Variants in MAST3 observed in about 807,000 individuals in gnomAD.
The protein encoded by MAST3 is microtubule-associated serine/threonine-protein kinase 3.
A neutral mutation model predicts 127.0 loss-of-function variants in MAST3; 43 were observed. The observed-to-expected ratio is 0.34, with a 90% confidence interval of 0.27 to 0.44. MAST3 has a LOEUF of 0.44. MAST3 is among the 20% of genes least tolerant of loss of function. The pLI, the probability that MAST3 is intolerant of heterozygous loss-of-function variation, is 1.00. For synonymous variants in MAST3, 785 were observed against 809.2 expected (o/e 0.97, Z 0.51); for missense variants, 1,390 against 1,919.1 (o/e 0.72, Z 5.15).
chr19:18,149,075 G>A lies in MAST3; in HGVS notation c.3509-116G>A, dbSNP rs1346331347. 1.7e-6 allele frequency: 2 copies of A among 1,149,704 alleles called. No homozygotes were observed. The highest frequency in any genetic ancestry group is 2.3e-6 in the Non-Finnish European group (2 of 857,278). 71.2% of individuals were successfully genotyped at this position (1,149,704 alleles called of 1,614,324 possible). On this transcript the variant is annotated intron_variant, in intron 27 of 27. Coordinates refer to ENST00000687212, the MANE Select transcript of MAST3 (RefSeq NM_001393504.1). The surrounding 1 kb of genome is among the most constrained non-coding windows in gnomAD (Gnocchi z 5.9). ...CTCAAAAACAAAAACAACCAGGCAT[G>A]ATGGGTGGCCACATGGAAGGATGTG...
chr19:18,114,181 A>G (rs191203660), intron 3 of MAST3, among the ~76,000 whole-genome samples: 2 of 140,942 alleles, frequency 1.4e-5, no homozygotes, highest in African/African-American at 5.5e-5. Flanking sequence ...GACCCCAGGG[A>G]TTTTCTTTTT....
intron 8 of MAST3, 115 bp from the exon 9 acceptor site, chr19:18,123,824 C>T (rs1012781338): frequency 1.0e-5 from 11 of 1,099,640 alleles, no homozygotes; most frequent in Admixed American, 6.9e-5. Context: ...CCCTCCCACC[C>T]GATCGCCCCA....
chr19:18,131,795 G>A (rs901384790), intron 14 of MAST3, 114 bp from the exon 15 acceptor site: 3 of 1,183,358 alleles, frequency 2.5e-6, no homozygotes, highest in Non-Finnish European at 3.6e-6. Flanking sequence ...ACAAACTGGG[G>A]ACCTTTTGCA....
intron 1 of MAST3, among the ~76,000 whole-genome samples, chr19:18,099,537 A>G (rs373660165): frequency 2.0e-4 from 31 of 152,222 alleles, no homozygotes; most frequent in Admixed American, 1.2e-3. Flanking sequence ...GGTAAGTTCT[A>G]TGTTACAAAA....
chr19:18,149,328 C>A lies in MAST3; in HGVS notation c.3646C>A (p.Arg1216Ser), dbSNP rs988388952. Residue 1216 changes from arginine to serine, a missense_variant, in exon 28 of 28, where the codon CGC (arginine) becomes AGC (serine). Arg to Ser is a moderately radical substitution (Grantham distance 110). Around this residue, in one of 5 missense-constraint regions of MAST3, gnomAD observed 816 missense variants for 934.1 expected, o/e 0.87. Coordinates refer to ENST00000687212, the MANE Select transcript of MAST3 (RefSeq NM_001393504.1). The surrounding 1 kb of genome is among the most constrained non-coding windows in gnomAD (Gnocchi z 5.9). Reference protein sequence around the residue: ...LGPPRPKTGRRKSTSSIPPSP... With the variant: ...LGPPRPKTGRSKSTSSIPPSP... The stretch of plus-strand genomic sequence containing the variant: ...GCCACCCCGCCCCAAGACTGGCCGC[C>A]GCAAGTCCACCAGCAGCATCCCGCC... The A allele has an allele frequency of 2.0e-6, 3 of 1,525,738 alleles. No individual in the cohort carries two copies. The highest frequency in any genetic ancestry group is 2.8e-5 in the African/African-American group (2 of 70,196). 94.5% of individuals were successfully genotyped at this position (1,525,738 alleles called of 1,614,324 possible).
At chr19:18,146,742 T>TCA in intron 25 of MAST3, 139 bp from the exon 26 acceptor site, 1 of 732,806 alleles carries the variant, frequency 1.4e-6, no homozygotes, top group Non-Finnish European at 2.2e-6. Flanking sequence ...ATTGGGTAGG[T>TCA]CACTGGTTGT....
In MAST3 at chr19:18,131,994, G is replaced by A. The variant is rs532454362; in HGVS notation, c.1518G>A (p.Ala506=). 9.3e-6 allele frequency: 15 copies of A among 1,614,190 alleles called. No homozygotes were observed. The African/African-American group carries it at 1.1e-4, about 11-fold the overall frequency. ...TGTACTTCGCCGAGACGGTGTTGGC[G>A]CTGGAGTACCTGCATAACTATGGCA... The part of the protein sequence containing the change: ...ARLYFAETVL[A]LEYLHNYGIV... Residue 506 remains alanine (A), a synonymous_variant, in exon 15 of 28, where the codon GCG becomes GCA. Coordinates refer to ENST00000687212, the MANE Select transcript of MAST3 (RefSeq NM_001393504.1).
At chr19:18,140,568 A>G (rs1318916637) in intron 20 of MAST3, among the ~76,000 whole-genome samples, 3 of 152,074 alleles carry the variant, frequency 2.0e-5, no homozygotes, top group Non-Finnish European at 2.9e-5. Flanking sequence ...TGGGCATTTC[A>G]TATCAATGCA....
Position 18,144,929 on chromosome 19 carries a change from G to A in MAST3, c.2813-74G>A, listed in dbSNP as rs533252581. The stretch of plus-strand genomic sequence containing the variant: ...CAACAGCAAAGTGGCCAGGGTGGTC[G>A]TTGTGGTGGGAAAGAGGGGGCCCCA... On this transcript the variant is annotated intron_variant, in intron 23 of 27. Coordinates refer to ENST00000687212, the MANE Select transcript of MAST3 (RefSeq NM_001393504.1). The surrounding 1 kb of genome is among the most constrained non-coding windows in gnomAD (Gnocchi z 4.0). The A allele has an allele frequency of 3.9e-5, 36 of 920,276 alleles. No individual in the cohort carries two copies. The highest frequency in any genetic ancestry group is 5.2e-5 in the East Asian group (2 of 38,370). 57.0% of individuals were successfully genotyped at this position (920,276 alleles called of 1,614,324 possible).
chr19:18,118,322 C>T lies in MAST3; in HGVS notation c.162-3363C>T, dbSNP rs574542701. 2,089 of 898,614 alleles carry T rather than the reference C, an allele frequency of 2.3e-3. 4 individuals are homozygous for T. Among genetic ancestry groups the T allele is most frequent in the Non-Finnish European group, 2.5e-3 (1,900 of 750,534 alleles). The allele number at this position is 898,614 out of a possible 1,614,324, so 55.7% of individuals were successfully genotyped here. A position where few individuals can be genotyped will look rare whatever the true frequency, so the allele number is the denominator to read the frequency against. On this transcript the variant is annotated intron_variant, in intron 3 of 27. Transcript: ENST00000687212. ...CAAACAGGAGTTGCCAGAAGTGTGTCCTGGCCGCGTGGCGCGGACCACGGC... is the reference window on the plus strand; with the variant it reads ...CAAACAGGAGTTGCCAGAAGTGTGTTCTGGCCGCGTGGCGCGGACCACGGC...
Position 18,143,859 on chromosome 19 carries a change from G to A in MAST3, c.2436G>A (p.Leu812=), listed in dbSNP as rs752459156. 4 of 1,613,916 alleles carry A rather than the reference G, an allele frequency of 2.5e-6. No individual in the cohort carries two copies. The highest frequency in any genetic ancestry group is 1.7e-5 in the Admixed American group (1 of 60,014). The part of the protein sequence containing the change: ...PSPSLLNTIS[L]DTMPKFAFSS... ...CATCTCTCCTGAATACCATCAGCCT[G>A]GACACAATGCCCAAGTTTGCCTTCT... is the stretch of plus-strand genomic sequence containing the variant. Residue 812 remains leucine, a synonymous_variant, in exon 22 of 28, where the codon CTG becomes CTA. Transcript: ENST00000687212.
intron 21 of MAST3, among the ~76,000 whole-genome samples, chr19:18,143,385 G>A (rs1177781314): frequency 6.6e-6 from 1 of 152,144 alleles, no homozygotes; most frequent in African/African-American, 2.4e-5. Flanking sequence ...AGACCAGTCT[G>A]GCCAACATGG....
At chr19:18,099,702 G>A (rs1481562918) in intron 1 of MAST3, among the ~76,000 whole-genome samples, 2 of 152,204 alleles carry the variant, frequency 1.3e-5, no homozygotes, top group African/African-American at 2.4e-5. Context: ...GGATGAGCAC[G>A]GATTCCCCGA....
chr19:18,131,146 T>G (rs2041231638), intron 14 of MAST3, among the ~76,000 whole-genome samples: 1 of 152,170 alleles, frequency 6.6e-6, no homozygotes, highest in South Asian at 2.1e-4. Context: ...CTTGGCGCGC[T>G]GGCTCACGCC....
intron 20 of MAST3, among the ~76,000 whole-genome samples, chr19:18,139,945 A>G (rs1352924760): frequency 2.1e-5 from 3 of 145,690 alleles, no homozygotes; most frequent in African/African-American, 7.6e-5. Context: ...TCAGCCTCCC[A>G]AGTAGCTGGG....
chr19:18,109,189 T>C (rs937808069), intron 2 of MAST3, among the ~76,000 whole-genome samples: 1 of 151,142 alleles, frequency 6.6e-6, no homozygotes, highest in African/African-American at 2.4e-5. Context: ...AAGACAAGGG[T>C]AGCTGAGTGG....
chr19:18,142,583 C>G (rs1335173893), intron 21 of MAST3, among the ~76,000 whole-genome samples: 1 of 151,610 alleles, frequency 6.6e-6, no homozygotes, highest in South Asian at 2.1e-4. Context: ...GTCTCCTGAC[C>G]TCGTGATCCG....
intron 27 of MAST3, among the ~76,000 whole-genome samples, chr19:18,148,175 C>A (rs752555796): frequency 2.6e-5 from 4 of 152,118 alleles, no homozygotes; most frequent in Non-Finnish European, 5.9e-5. Context: ...GTGGCACATG[C>A]CTGTAGTCCC....
chr19:18,103,441 G>C (rs1261433493), intron 1 of MAST3, among the ~76,000 whole-genome samples: 1 of 152,148 alleles, frequency 6.6e-6, no homozygotes, highest in African/African-American at 2.4e-5. Context: ...GGGAGGCTGA[G>C]GCAGAAGAAT....
Sources: gnomAD v4.1 joint callset for allele counts (sites outside exome capture counted in the v4.1 genomes callset) on GRCh38, gnomAD v4.1.1 for gene constraint, gnomAD v4.1.1 regional missense constraint, Gnocchi (gnomAD v3.1) non-coding constraint, MANE v1.5 for transcripts, NCBI Gene and HGNC (gene_info 2026-07-23, HGNC 2026-07-21) for gene names.